Variants in NPY2R observed in about 807,000 individuals in gnomAD.
NPY2R encodes neuropeptide Y receptor Y2.
In NPY2R, 17 loss-of-function variants were observed where a neutral mutation model predicts 22.3. The ratio of observed to expected loss-of-function variants is 0.76; its 90% CI spans 0.52 to 1.14. NPY2R has a LOEUF of 1.14. NPY2R is among the 50% of genes most tolerant of loss of function. NPY2R has a pLI of 0.00. For missense variants in NPY2R, 424 were observed against 467.9 expected (o/e 0.91, Z 0.87); for synonymous variants, 209 against 183.4 (o/e 1.14, Z -1.13).
the NPY2R span, among the ~76,000 whole-genome samples, chr4:155,192,468 C>T: frequency 6.6e-6 from 1 of 151,790 alleles, no homozygotes; most frequent in African/African-American, 2.4e-5. Flanking sequence ...TTGTAATGCT[C>T]AATTTACATT....
chr4:155,191,288 G>A, the NPY2R span, among the ~76,000 whole-genome samples: 1 of 151,816 alleles, frequency 6.6e-6, no homozygotes, highest in Non-Finnish European at 1.5e-5. Context: ...TCATTTTCAG[G>A]TGAAGTGAGG....
At chr4:155,190,392 G>A in the NPY2R span, among the ~76,000 whole-genome samples, 2 of 151,998 alleles carry the variant, frequency 1.3e-5, no homozygotes, top group East Asian at 3.9e-4. Context: ...TGTAATCAGA[G>A]CATAGATTAA....
At chr4:155,183,406 A>G in the NPY2R span, among the ~76,000 whole-genome samples, 13 of 152,158 alleles carry the variant, frequency 8.5e-5, no homozygotes, top group African/African-American at 3.1e-4. Flanking sequence ...CCAACCAGAA[A>G]TGAAATGCTG....
chr4:155,180,107 A>G, the NPY2R span, among the ~76,000 whole-genome samples: 1 of 149,408 alleles, frequency 6.7e-6, no homozygotes, highest in Non-Finnish European at 1.5e-5. Context: ...TTTTCTTAAG[A>G]TGGGGTCTTG....
chr4:155,215,052 C>A lies in NPY2R; in HGVS notation c.1113C>A (p.Pro371=). The A allele has an allele frequency of 6.2e-7, 1 of 1,613,492 alleles. No individual in the cohort carries two copies. The highest frequency in any genetic ancestry group is 8.5e-7 in the Non-Finnish European group (1 of 1,180,036). The part of the protein sequence containing the change: ...KNLEVRKNSG[P]NDSFTEATNV ...TGGAGGTCAGAAAGAACAGTGGCCC[C>A]AATGACTCTTTCACAGAGGCTACCA... Residue 371 remains proline, a synonymous_variant, in exon 2 of 2, where the codon CCC becomes CCA. Transcript: ENST00000329476.
At chr4:155,184,985 AAAC>A in the NPY2R span, among the ~76,000 whole-genome samples, 3 of 148,476 alleles carry the variant, frequency 2.0e-5, no homozygotes, top group Admixed American at 6.7e-5. Flanking sequence ...AATATTATAA[AAAC>A]AAAATTGGAA....
chr4:155,204,214 A>C (rs983152408), upstream of NPY2R, among the ~76,000 whole-genome samples: 7 of 152,216 alleles, frequency 4.6e-5, no homozygotes, highest in South Asian at 2.1e-4. Flanking sequence ...AAAAAAAAAA[A>C]ACGAAAAAGC....
chr4:155,212,761 T>C (rs1729433359), intron 1 of NPY2R, among the ~76,000 whole-genome samples: 1 of 152,192 alleles, frequency 6.6e-6, no homozygotes, highest in South Asian at 2.1e-4. Context: ...ATATGTAACA[T>C]ACTAGTCTGC....
chr4:155,199,765 C>G, the NPY2R span, among the ~76,000 whole-genome samples: 2 of 152,070 alleles, frequency 1.3e-5, no homozygotes, highest in Non-Finnish European at 2.9e-5. Flanking sequence ...GAAAGGTTTC[C>G]TTATTTAATA....
the NPY2R span, among the ~76,000 whole-genome samples, chr4:155,185,329 C>T: frequency 9.2e-5 from 14 of 152,092 alleles, no homozygotes; most frequent in African/African-American, 1.2e-4. Flanking sequence ...TGAGCCACCG[C>T]GCCCAGCCAA....
the NPY2R span, among the ~76,000 whole-genome samples, chr4:155,192,453 A>T: frequency 6.6e-6 from 1 of 151,942 alleles, no homozygotes; most frequent in South Asian, 2.1e-4. Flanking sequence ...ATTGCACAGG[A>T]TAATTTGTAA....
chr4:155,174,478 A>AT, the NPY2R span, among the ~76,000 whole-genome samples: 14 of 88,744 alleles, frequency 1.6e-4, no homozygotes, highest in African/African-American at 7.8e-4. Context: ...ATATATATAT[A>AT]TATATATTTT....
At chr4:155,182,019 G>T in the NPY2R span, among the ~76,000 whole-genome samples, 394 of 152,260 alleles carry the variant, frequency 2.6e-3, 2 homozygotes, top group African/African-American at 7.8e-3. Flanking sequence ...AGTGAGTGTG[G>T]TTTCCCCAAT....
At chr4:155,192,199 G>T in the NPY2R span, among the ~76,000 whole-genome samples, 1 of 152,014 alleles carries the variant, frequency 6.6e-6, no homozygotes. Context: ...CAAGACAGCT[G>T]CCAGAGATGA....
At chr4:155,177,630 C>A in the NPY2R span, among the ~76,000 whole-genome samples, 1 of 151,980 alleles carries the variant, frequency 6.6e-6, no homozygotes, top group Non-Finnish European at 1.5e-5. Flanking sequence ...TGGATATTGC[C>A]CCAGTGGGGT....
At chr4:155,174,674 C>T in the NPY2R span, among the ~76,000 whole-genome samples, 120 of 151,516 alleles carry the variant, frequency 7.9e-4, no homozygotes, top group African/African-American at 2.7e-3. Flanking sequence ...CTTTTCCATC[C>T]CTAATAACTC....
chr4:155,208,491 G>A (rs1026369357), upstream of NPY2R: 1 of 152,444 alleles, frequency 6.6e-6, no homozygotes, highest in African/African-American at 2.4e-5. This position sits in a 1 kb window ranked among gnomAD's most constrained non-coding sequence, Gnocchi z 5.6. Context: ...AGGGAGGTAG[G>A]GGTGGCGCAA....
At chr4:155,186,080 C>A in the NPY2R span, among the ~76,000 whole-genome samples, 1 of 152,138 alleles carries the variant, frequency 6.6e-6, no homozygotes, top group African/African-American at 2.4e-5. Flanking sequence ...GCCTTATGAT[C>A]AAGCTGTCAG....
upstream of NPY2R, chr4:155,207,125 C>T (rs1729297990): frequency 6.6e-6 from 1 of 152,162 alleles, no homozygotes; most frequent in African/African-American, 2.4e-5. Flanking sequence ...TCCTATACTC[C>T]TGTGGGCATA....
Sources: allele counts gnomAD v4.1 joint callset (sites outside exome capture counted in the v4.1 genomes callset), GRCh38; gene constraint gnomAD v4.1.1; non-coding constraint Gnocchi (gnomAD v3.1); transcripts MANE v1.5; gene names NCBI Gene and HGNC (gene_info 2026-07-23, HGNC 2026-07-21).